The following MYT1L variants were observed in gnomAD, a reference collection of about 807,000 sequenced individuals.
MYT1L encodes myelin transcription factor 1-like protein.
In MYT1L, 12 loss-of-function variants were observed where a neutral mutation model predicts 126.7. The observed-to-expected ratio is 0.09, with a 90% CI of 0.06 to 0.15. The LOEUF (loss-of-function observed/expected upper bound fraction) is 0.15. Ranked by LOEUF, MYT1L falls within the 10% of genes least tolerant of loss-of-function variation. The pLI is 1.00. For missense variants in MYT1L, 979 were observed against 1,585.2 expected (o/e 0.62, Z 6.49); for synonymous variants, 541 against 604.2 (o/e 0.90, Z 1.53).
intron 1 of MYT1L, among the ~76,000 whole-genome samples, chr2:2,329,446 C>A (rs1175370450): frequency 6.7e-6 from 1 of 148,764 alleles, no homozygotes; most frequent in Non-Finnish European, 1.5e-5. Context: ...TAATATAGAT[C>A]CAGATCTCAT....
intron 2 of MYT1L, among the ~76,000 whole-genome samples, chr2:2,217,688 C>CAAAAAAAAAAAA (rs1192733884): frequency 7.1e-5 from 5 of 70,868 alleles, no homozygotes; most frequent in African/African-American, 1.6e-4. Flanking sequence ...ACAACAACAA[C>CAAAAAAAAAAAA]AACAACAACA....
chr2:2,004,766 A>ACATTCTTTCCTGCATG (rs1553406324), intron 4 of MYT1L, among the ~76,000 whole-genome samples: 1 of 109,514 alleles, frequency 9.1e-6, no homozygotes, highest in African/African-American at 3.7e-5. Context: ...TTTCCTGAAT[A>ACATTCTTTCCTGCATG]CGTTCTTTCC....
chr2:2,033,859 G>T (rs2066696908), intron 4 of MYT1L, among the ~76,000 whole-genome samples: 2 of 152,310 alleles, frequency 1.3e-5, no homozygotes, highest in South Asian at 4.1e-4. Context: ...AGCTTCTGTG[G>T]TGGGGCTGCG....
At chr2:1,837,901 T>TC in intron 21 of MYT1L, among the ~76,000 whole-genome samples, 1 of 150,930 alleles carries the variant, frequency 6.6e-6, no homozygotes, top group South Asian at 2.1e-4. Context: ...TTTTTTTTTT[T>TC]GTCTTTTGTT....
chr2:1,855,443 G>C (rs1047162262), intron 18 of MYT1L, among the ~76,000 whole-genome samples: 1 of 152,158 alleles, frequency 6.6e-6, no homozygotes, highest in African/African-American at 2.4e-5. Context: ...AGATTGACTG[G>C]GTTTCCATGG....
At chr2:2,255,734 C>T (rs1429537158) in intron 2 of MYT1L, among the ~76,000 whole-genome samples, 3 of 152,178 alleles carry the variant, frequency 2.0e-5, no homozygotes, top group African/African-American at 7.2e-5. Context: ...TCTTCATCCT[C>T]ATCACACCCA....
intron 2 of MYT1L, among the ~76,000 whole-genome samples, chr2:2,281,186 T>A (rs2095442070): frequency 6.6e-6 from 1 of 152,034 alleles, no homozygotes; most frequent in Non-Finnish European, 1.5e-5. Flanking sequence ...CTTTCCCTGC[T>A]TTGCTCAGCA....
chr2:2,262,919 T>A (rs1477719732), intron 2 of MYT1L, among the ~76,000 whole-genome samples: 1 of 92,822 alleles, frequency 1.1e-5, no homozygotes, highest in African/African-American at 4.6e-5. Flanking sequence ...GGCACAAATA[T>A]ATATATATAT....
At chr2:1,794,908 C>T (rs1396591027) in intron 23 of MYT1L, among the ~76,000 whole-genome samples, 1 of 152,200 alleles carries the variant, frequency 6.6e-6, no homozygotes, top group Non-Finnish European at 1.5e-5. Context: ...TGATAATCTC[C>T]TGAACCAGGC....
chr2:1,843,352 T>C lies in MYT1L; in HGVS notation c.2775-2509A>G, dbSNP rs1275043228. Among the ~76,000 whole-genome samples, 3 of 152,054 alleles carry C rather than the reference T, an allele frequency of 2.0e-5. No homozygotes were observed. The East Asian group carries it at 5.8e-4, about 29-fold the overall frequency. On this transcript the variant is annotated intron_variant, in intron 19 of 24. Transcript: ENST00000647738. ...AGCCCGACGCCTTGCACAGAGCGGG[T>C]CATTCAATGCATGAATGAAGAAAAG...
intron 18 of MYT1L, chr2:1,884,163 T>G (rs2047905646): frequency 6.6e-6 from 1 of 152,242 alleles, no homozygotes; most frequent in Admixed American, 6.5e-5. Flanking sequence ...GTTCCATTTG[T>G]TAGCTGACAT....
chr2:2,170,366 A>G (rs934449647), intron 3 of MYT1L, among the ~76,000 whole-genome samples: 2 of 152,204 alleles, frequency 1.3e-5, no homozygotes, highest in African/African-American at 4.8e-5. Flanking sequence ...TCTGTTCTCT[A>G]CTGATGCTGT....
rs114721767 is a variant in MYT1L, at chr2:1,910,741, T to C, written c.1710-394A>G. ...AGCCCCAGAATGGCAATGAATTGAC[T>C]GTTACCAGAAGATGGAGCTCCAAGC... On this transcript the variant is annotated intron_variant, in intron 12 of 24. Coordinates refer to ENST00000647738, the MANE Select transcript of MYT1L (RefSeq NM_001303052.2). The surrounding 1 kb of genome is among the most constrained non-coding windows in gnomAD (Gnocchi z 4.8). Among the ~76,000 whole-genome samples the C allele has an allele frequency of 5.4e-3, 818 of 152,230 alleles. 4 individuals are homozygous for C. Among genetic ancestry groups the C allele is most frequent in the South Asian group, 0.021 (100 of 4,816 alleles).
In MYT1L at chr2:2,175,148, G is replaced by A. The variant is rs759072833; in HGVS notation, c.-420-2160C>T. 4.6e-5 allele frequency among the ~76,000 whole-genome samples: 7 copies of A among 152,020 alleles called. 1 individual carries two copies. Among genetic ancestry groups the A allele is most frequent in the East Asian group, 3.9e-4 (2 of 5,180 alleles). On this transcript the variant is annotated intron_variant, in intron 2 of 24. Coordinates refer to ENST00000647738, the MANE Select transcript of MYT1L (RefSeq NM_001303052.2). ...GTCCTCTCTGAGAAGGGCCTCCACC[G>A]TGGGGCACTGCTGAAGGAAGGAAGA... is the stretch of plus-strand genomic sequence containing the variant.
chr2:2,242,639 G>A (rs1444239115), intron 2 of MYT1L, among the ~76,000 whole-genome samples: 1 of 152,170 alleles, frequency 6.6e-6, no homozygotes, highest in Non-Finnish European at 1.5e-5. Context: ...AGCAGGCAGG[G>A]TCCCCAATCC....
intron 1 of MYT1L, among the ~76,000 whole-genome samples, chr2:2,307,090 C>T (rs2095868827): frequency 6.6e-6 from 1 of 152,116 alleles, no homozygotes; most frequent in African/African-American, 2.4e-5. Context: ...CATCGAAGCA[C>T]AGACAATGAA....
chr2:1,980,312 A>G (rs2060509269), intron 5 of MYT1L, among the ~76,000 whole-genome samples: 1 of 139,996 alleles, frequency 7.1e-6, no homozygotes, highest in South Asian at 2.2e-4. Flanking sequence ...GTTTATATTT[A>G]TATCTATATA....
chr2:2,037,307 C>T lies in MYT1L; in HGVS notation c.-158+16671G>A, dbSNP rs1401276470. 2.0e-5 allele frequency among the ~76,000 whole-genome samples: 3 copies of T among 152,206 alleles called. No individual in the cohort carries two copies. The East Asian group carries it at 5.8e-4, about 29-fold the overall frequency. On this transcript the variant is annotated intron_variant, in intron 4 of 24. Coordinates refer to ENST00000647738, the MANE Select transcript of MYT1L (RefSeq NM_001303052.2). Reference sequence around the variant, plus strand: ...GTGCCCACGTTATTTCCCATTGAATCTCTATCACCCAGCACAGAGCATGGC... The same window carrying T: ...GTGCCCACGTTATTTCCCATTGAATTTCTATCACCCAGCACAGAGCATGGC...
intron 2 of MYT1L, among the ~76,000 whole-genome samples, chr2:2,222,995 A>G (rs2093918555): frequency 6.6e-6 from 1 of 152,240 alleles, no homozygotes; most frequent in South Asian, 2.1e-4. Flanking sequence ...GAATGATGCC[A>G]CAAATACATA....
Sources: gnomAD v4.1 joint callset for allele counts (sites outside exome capture counted in the v4.1 genomes callset) on GRCh38, gnomAD v4.1.1 for gene constraint, Gnocchi (gnomAD v3.1) non-coding constraint, MANE v1.5 for transcripts, NCBI Gene and HGNC (gene_info 2026-07-23, HGNC 2026-07-21) for gene names.